The following CASP9 variants were observed in gnomAD, a reference collection of about 807,000 sequenced individuals.
CASP9 encodes caspase-9.
A neutral mutation model predicts 43.5 loss-of-function variants in CASP9; 29 were observed. The ratio of observed to expected loss-of-function variants is 0.67; its 90% CI spans 0.50 to 0.91. The LOEUF is 0.91. CASP9 is among the 40% of genes least tolerant of loss of function. CASP9 has a pLI of 0.00. For missense variants in CASP9, 575 were observed against 537.4 expected (o/e 1.07, Z -0.69); for synonymous variants, 206 against 211.9 (o/e 0.97, Z 0.24).
intron 2 of CASP9, among the ~76,000 whole-genome samples, chr1:15,510,225 C>T (rs4646030): frequency 0.59 from 89,205 of 152,040 alleles, 26,829 homozygotes; most frequent in African/African-American, 0.71. Flanking sequence ...CCACCACGCC[C>T]GGCCTACATT....
intron 6 of CASP9, among the ~76,000 whole-genome samples, chr1:15,499,256 C>T (rs1255025114): frequency 6.6e-6 from 1 of 152,164 alleles, no homozygotes; most frequent in African/African-American, 2.4e-5. Context: ...TTTACATCTG[C>T]AAAGTGATTT....
chr1:15,511,647 A>G (rs1235110559), intron 2 of CASP9, among the ~76,000 whole-genome samples: 1 of 152,168 alleles, frequency 6.6e-6, no homozygotes, highest in Non-Finnish European at 1.5e-5. Flanking sequence ...CAAGTGATCC[A>G]TCCGTCTTGG....
chr1:15,501,141 C>T (rs1709314287), intron 6 of CASP9, among the ~76,000 whole-genome samples: 1 of 152,220 alleles, frequency 6.6e-6, no homozygotes, highest in Non-Finnish European at 1.5e-5. Context: ...TCCACGACCA[C>T]TGCAGCATAT....
rs1348554810 is a variant in CASP9 at position 15,518,143 on chromosome 1, C to A, written c.385G>T (p.Val129Leu). The change falls in exon 2 of 9, where the codon GTG becomes TTG. Residue 129 changes from valine (V) to leucine (L), a missense_variant. Physicochemically the swap from Val to Leu is conservative, Grantham distance 32 (BLOSUM62 1). Coordinates refer to ENST00000333868, the MANE Select transcript of CASP9 (RefSeq NM_001229.5). ...EVLRPETPRP[V>L]DIGSGGFGDV... The stretch of plus-strand genomic sequence containing the variant: ...CCAAATCCTCCAGAACCAATGTCCA[C>A]TGGTCTGGGTGTTTCCGGTCTGAGA... The A allele has an allele frequency of 6.2e-7, 1 of 1,614,214 alleles. No individual in the cohort carries two copies. Among genetic ancestry groups the A allele is most frequent in the Non-Finnish European group, 8.5e-7 (1 of 1,180,028 alleles).
intron 6 of CASP9, among the ~76,000 whole-genome samples, chr1:15,500,228 C>T (rs1709271184): frequency 6.6e-6 from 1 of 152,022 alleles, no homozygotes. Context: ...CAGAGGGTCC[C>T]CTGCAAAAAC....
At position 15,495,359 on chromosome 1, in the gene CASP9, T is replaced by C; in HGVS notation, c.962A>G (p.Glu321Gly). 1 of 1,610,064 alleles carries C rather than the reference T, an allele frequency of 6.2e-7. No individual in the cohort carries two copies. Among genetic ancestry groups the C allele is most frequent in the Non-Finnish European group, 8.5e-7 (1 of 1,178,762 alleles). Residue 321 changes from glutamate to glycine, a missense_variant, in exon 7 of 9, where the codon GAA becomes GGA. Glu to Gly is a moderately conservative substitution (Grantham distance 98). Transcript: ENST00000333868. ...NPEPDATPFQ[E>G]GLRTFDQLDA... is the part of the protein sequence containing the mutation. Reference sequence around the variant, plus strand: ...CAGCTGGTCGAAGGTCCTCAAACCTTCCTGGAACGGGGTGGCATCTGGCTC... The same window carrying C: ...CAGCTGGTCGAAGGTCCTCAAACCTCCCTGGAACGGGGTGGCATCTGGCTC...
At chr1:15,521,173 A>G (rs1259037115) in intron 1 of CASP9, among the ~76,000 whole-genome samples, 2 of 151,588 alleles carry the variant, frequency 1.3e-5, no homozygotes, top group Non-Finnish European at 2.9e-5. Context: ...AAAAAAAAAA[A>G]AAAGGAAAAT....
Position 15,507,927 on chromosome 1 carries a change from G to A in CASP9, c.419-20C>T, listed in dbSNP as rs1456761875. On this transcript the variant is annotated intron_variant, in intron 2 of 8. Coordinates refer to ENST00000333868, the MANE Select transcript of CASP9 (RefSeq NM_001229.5). ...GAGCACCTGAAGAGGCAGAGAAAGA[G>A]AGAAACATGAATGTTGGGTTACAGC... 3 of 1,613,964 alleles carry A rather than the reference G, an allele frequency of 1.9e-6. No homozygotes were observed. The highest frequency in any genetic ancestry group is 2.5e-6 in the Non-Finnish European group (3 of 1,179,834).
At chr1:15,506,842 G>C in intron 4 of CASP9, 57 bp downstream of exon 4, 2 of 1,467,240 alleles carry the variant, frequency 1.4e-6, no homozygotes, top group East Asian at 2.3e-5. Context: ...TCCCTCAAAA[G>C]ATACTTCCCC....
intron 6 of CASP9, among the ~76,000 whole-genome samples, chr1:15,501,142 T>C (rs1240287252): frequency 6.6e-6 from 1 of 152,188 alleles, no homozygotes; most frequent in Admixed American, 6.5e-5. Context: ...CCACGACCAC[T>C]GCAGCATATT....
intron 2 of CASP9, among the ~76,000 whole-genome samples, chr1:15,514,753 C>T (rs1709887855): frequency 6.6e-6 from 1 of 152,176 alleles, no homozygotes; most frequent in African/African-American, 2.4e-5. Flanking sequence ...TACCTATAAT[C>T]CCAGCACTTT....
At chr1:15,523,211 G>A (rs1710280382) in intron 1 of CASP9, among the ~76,000 whole-genome samples, 1 of 152,188 alleles carries the variant, frequency 6.6e-6, no homozygotes, top group South Asian at 2.1e-4. Context: ...AACATAAACT[G>A]AACACAGAAG....
chr1:15,501,543 G>A (rs969029322), intron 6 of CASP9, among the ~76,000 whole-genome samples: 1 of 152,186 alleles, frequency 6.6e-6, no homozygotes, highest in African/African-American at 2.4e-5. Flanking sequence ...AGGCACTAGT[G>A]AAGAACGGGG....
chr1:15,491,504 C>A lies in CASP9; in HGVS notation c.*1439G>T. ...CAGGCGCAATGGCTCAAGCCTGTAA[C>A]CCCTGCACTTTGGGAGGCTAAGGCA... On this transcript the variant is annotated 3_prime_UTR_variant, in exon 9 of 9. Coordinates refer to ENST00000333868, the MANE Select transcript of CASP9 (RefSeq NM_001229.5). The A allele has an allele frequency of 2.9e-6, 2 of 697,364 alleles. No individual in the cohort carries two copies. Among genetic ancestry groups the A allele is most frequent in the Non-Finnish European group, 4.7e-6 (2 of 429,080 alleles). 43.2% of individuals were successfully genotyped at this position (697,364 alleles called of 1,614,324 possible).
chr1:15,504,480 G>A, intron 6 of CASP9, 131 bp downstream of exon 6: 2 of 875,446 alleles, frequency 2.3e-6, no homozygotes, highest in Non-Finnish European at 1.7e-6. Flanking sequence ...GCCAAAAAGG[G>A]ACCATGTGTG....
At position 15,518,398 on chromosome 1, in the gene CASP9, G is replaced by A. The variant is rs781576708; in HGVS notation, c.133-3C>T. On this transcript the variant is annotated splice_region_variant and splice_polypyrimidine_tract_variant and intron_variant, in intron 1 of 8. Transcript: ENST00000333868. Reference sequence around the variant, plus strand: ...CGCCGAGATCCAGAGCCTGCCCGCTGTTTGGAAAGAAAGGCAGGATACTAA... The same window carrying A: ...CGCCGAGATCCAGAGCCTGCCCGCTATTTGGAAAGAAAGGCAGGATACTAA... 50 of 1,607,274 alleles carry A rather than the reference G, an allele frequency of 3.1e-5. No individual in the cohort carries two copies. The highest frequency in any genetic ancestry group is 3.8e-5 in the Non-Finnish European group (45 of 1,175,684).
At chr1:15,523,467 G>A (rs1161576777) in intron 1 of CASP9, among the ~76,000 whole-genome samples, 1 of 152,140 alleles carries the variant, frequency 6.6e-6, no homozygotes, top group Non-Finnish European at 1.5e-5. Context: ...CTCCTTCCTC[G>A]CAAGTATTAA....
Position 15,493,704 on chromosome 1 carries a change from G to A in CASP9, c.1158+188C>T, listed in dbSNP as rs1304139584. 8.8e-6 allele frequency: 13 copies of A among 1,475,946 alleles called. No individual in the cohort carries two copies. The Admixed American group carries it at 1.8e-4, about 21-fold the overall frequency. The allele number at this position is 1,475,946 out of a possible 1,614,324, so 91.4% of individuals were successfully genotyped here. On this transcript the variant is annotated intron_variant, in intron 8 of 8. Transcript: ENST00000333868. Reference sequence around the variant, plus strand: ...GCAACTCTTTGAATAAAGGGCAAACGTCACCACAGGCAGGATGCCTCTCAT... The same window carrying A: ...GCAACTCTTTGAATAAAGGGCAAACATCACCACAGGCAGGATGCCTCTCAT...
At chr1:15,493,430 G>T in intron 8 of CASP9, 1 of 1,248,722 alleles carries the variant, frequency 8.0e-7, no homozygotes, top group Non-Finnish European at 1.0e-6. Flanking sequence ...GTAGGACTGG[G>T]CCTATCAGGC....
Sources: allele counts gnomAD v4.1 joint callset (sites outside exome capture counted in the v4.1 genomes callset), GRCh38; gene constraint gnomAD v4.1.1; transcripts MANE v1.5; gene names NCBI Gene and HGNC (gene_info 2026-07-23, HGNC 2026-07-21).